ACYP2: variants seen among roughly 807,000 people sequenced by gnomAD.
The protein encoded by ACYP2 is acylphosphatase-2.
ACYP2 carries 12 observed loss-of-function variants against 11.2 expected under a neutral mutation model. The ratio of observed to expected loss-of-function variants is 1.08; its 90% confidence interval spans 0.69 to 1.74. The LOEUF (loss-of-function observed/expected upper bound fraction) is 1.74, where lower values mean the gene tolerates loss of function less well. Ranked by LOEUF, ACYP2 falls within the 40% of genes most tolerant of loss-of-function variation. The probability of loss-of-function intolerance (pLI) is 0.00; values close to 1 mark genes in which losing one functional copy is unlikely to be tolerated. For missense variants in ACYP2, 134 were observed against 101.9 expected (o/e 1.31, Z -1.35); for synonymous variants, 43 against 32.2 (o/e 1.33, Z -1.13).
chr2:54,019,893 T>C (rs1483142500), intron 2 of ACYP2, among the ~76,000 whole-genome samples: 1 of 152,078 alleles, frequency 6.6e-6, no homozygotes, highest in Non-Finnish European at 1.5e-5. Context: ...GTGCTGGGAT[T>C]ACAAGCATGA....
chr2:54,188,165 C>G (rs1295166460), intron 6 of ACYP2, among the ~76,000 whole-genome samples: 1 of 152,084 alleles, frequency 6.6e-6, no homozygotes, highest in Non-Finnish European at 1.5e-5. Context: ...AGGTGTCATC[C>G]TGGGGGAAAA....
At position 54,090,144 on chromosome 2, in the gene ACYP2, C is replaced by CA. The variant is rs76380235; in HGVS notation, c.277+32798dup. 2.0e-3 allele frequency among the ~76,000 whole-genome samples: 275 copies of CA among 138,892 alleles called. 2 individuals carry two copies. The highest frequency in any genetic ancestry group is 5.6e-3 in the African/African-American group (206 of 36,940). The allele number at this position is 138,892 out of a possible 152,430, so 91.1% of individuals were successfully genotyped here. A position where few individuals can be genotyped will look rare whatever the true frequency, so the allele number is the denominator to read the frequency against. ...TGAGCGACAGAATGATACTCCGTCTCAAAAAAAAAAAAAAGTTTGCCCATG... is the reference window on the plus strand; with the variant it reads ...TGAGCGACAGAATGATACTCCGTCTCAAAAAAAAAAAAAAAGTTTGCCCATG... On this transcript the variant is annotated intron_variant, in intron 4 of 6. Transcript: ENST00000607452.
intron 2 of ACYP2, among the ~76,000 whole-genome samples, chr2:53,994,329 CAAAAAAAAAA>C (rs374302355): frequency 1.4e-3 from 61 of 42,870 alleles, no homozygotes; most frequent in Middle Eastern, 0.028. Context: ...GACTCCGTCT[CAAAAAAAAAA>C]AAAAAAAAAA....
chr2:54,225,091 G>A lies in ACYP2; in HGVS notation c.405-79597G>A, dbSNP rs184939055. Among the ~76,000 whole-genome samples the A allele has an allele frequency of 3.6e-3, 553 of 152,334 alleles. 6 individuals are homozygous for A. Among genetic ancestry groups the A allele is most frequent in the African/African-American group, 0.012 (519 of 41,576 alleles). On this transcript the variant is annotated intron_variant, in intron 6 of 6. Transcript: ENST00000607452. The stretch of plus-strand genomic sequence containing the variant: ...CTTTAACTGGCCACAGTGATTGCCA[G>A]TTCCAACCATTTCAGGTAATATTGT...
chr2:54,169,653 CAG>C (rs1437636747), intron 6 of ACYP2, among the ~76,000 whole-genome samples: 2 of 152,152 alleles, frequency 1.3e-5, no homozygotes, highest in Admixed American at 6.5e-5. Flanking sequence ...TTTTGACAAA[CAG>C]TGCACAGGAA....
intron 6 of ACYP2, among the ~76,000 whole-genome samples, chr2:54,198,718 T>TA (rs1171179529): frequency 6.6e-6 from 1 of 152,186 alleles, no homozygotes; most frequent in Admixed American, 6.5e-5. Context: ...AAAAGACTTA[T>TA]AAAAAATGAA....
chr2:53,986,241 C>G (rs1672029775), intron 2 of ACYP2, among the ~76,000 whole-genome samples: 1 of 152,174 alleles, frequency 6.6e-6, no homozygotes, highest in South Asian at 2.1e-4. Flanking sequence ...TCTCTTCTTC[C>G]CCTTCCACCA....
At position 54,304,914 on chromosome 2, in the gene ACYP2, A is replaced by C; in HGVS notation, c.*112A>C. The stretch of plus-strand genomic sequence containing the variant: ...GTGAAAAGGAACTTTCTGTTCTGAA[A>C]GCTAAGCGACTGTACGTGCTACTAA... On this transcript the variant is annotated 3_prime_UTR_variant, in exon 7 of 7. Transcript: ENST00000607452. 1.9e-6 allele frequency: 1 copy of C among 516,844 alleles called. No individual in the cohort carries two copies. The allele number at this position is 516,844 out of a possible 1,614,324, so 32.0% of individuals were successfully genotyped here.
intron 2 of ACYP2, among the ~76,000 whole-genome samples, chr2:54,018,315 T>C (rs1362464590): frequency 6.6e-6 from 1 of 152,218 alleles, no homozygotes; most frequent in Non-Finnish European, 1.5e-5. Flanking sequence ...TACACTGATG[T>C]TGCTGATTCA....
chr2:54,102,036 C>T (rs1186231602), intron 4 of ACYP2, among the ~76,000 whole-genome samples: 1 of 152,124 alleles, frequency 6.6e-6, no homozygotes, highest in Non-Finnish European at 1.5e-5. Flanking sequence ...TAGTATTATA[C>T]AGAATAGTTC....
chr2:54,076,308 C>T (rs923740648), intron 4 of ACYP2, among the ~76,000 whole-genome samples: 7 of 152,060 alleles, frequency 4.6e-5, no homozygotes, highest in African/African-American at 7.3e-5. Context: ...AAAATTTATA[C>T]GGAGAATATA....
chr2:54,200,478 C>T (rs1684708336), intron 6 of ACYP2, among the ~76,000 whole-genome samples: 1 of 152,098 alleles, frequency 6.6e-6, no homozygotes, highest in African/African-American at 2.4e-5. Context: ...CATGGATTTG[C>T]CTATTATGGA....
At chr2:54,227,940 A>C (rs922017291) in intron 6 of ACYP2, among the ~76,000 whole-genome samples, 3 of 152,238 alleles carry the variant, frequency 2.0e-5, no homozygotes, top group Non-Finnish European at 2.9e-5. Flanking sequence ...ATAACTTTCA[A>C]ATCATCTTCT....
chr2:54,215,038 T>C (rs1685499900), intron 6 of ACYP2, among the ~76,000 whole-genome samples: 1 of 152,210 alleles, frequency 6.6e-6, no homozygotes, highest in East Asian at 1.9e-4. Flanking sequence ...CAATTTTGGT[T>C]TGGCTCTCAG....
intron 6 of ACYP2, among the ~76,000 whole-genome samples, chr2:54,201,495 T>C (rs928570920): frequency 6.6e-6 from 1 of 152,152 alleles, no homozygotes; most frequent in Non-Finnish European, 1.5e-5. Flanking sequence ...GCAAATATTT[T>C]CTCCCATTCT....
chr2:54,061,134 G>A (rs182265000), intron 4 of ACYP2, among the ~76,000 whole-genome samples: 2 of 152,276 alleles, frequency 1.3e-5, no homozygotes, highest in Non-Finnish European at 2.9e-5. Context: ...GGGATTACAG[G>A]CACAAGCCAC....
chr2:54,238,152 C>G (rs1169538770), intron 6 of ACYP2, among the ~76,000 whole-genome samples: 2 of 152,142 alleles, frequency 1.3e-5, no homozygotes, highest in Non-Finnish European at 2.9e-5. Flanking sequence ...TCATCCAGAC[C>G]TCTCCTCTCC....
In ACYP2 at chr2:54,221,677, C is replaced by A. The variant is rs146651816; in HGVS notation, c.404+82929C>A. On this transcript the variant is annotated intron_variant, in intron 6 of 6. Coordinates refer to ENST00000607452, the MANE Select transcript of ACYP2 (RefSeq NM_001320586.2). ...GTGGGATTACAGGTGTGTGCCACCA[C>A]ACCTGGCTAATTTTTGTATTTTTAG... Among the ~76,000 whole-genome samples, 16 of 152,062 alleles carry A rather than the reference C, an allele frequency of 1.1e-4. No homozygotes were observed. The East Asian group carries it at 2.9e-3, about 28-fold the overall frequency.
intron 2 of ACYP2, among the ~76,000 whole-genome samples, chr2:54,025,880 T>C (rs1412311599): frequency 6.6e-6 from 1 of 151,908 alleles, no homozygotes; most frequent in African/African-American, 2.4e-5. Flanking sequence ...AATTTGAGGC[T>C]GAGGTCAGGA....
Sources: allele counts gnomAD v4.1 joint callset (sites outside exome capture counted in the v4.1 genomes callset), GRCh38; gene constraint gnomAD v4.1.1; transcripts MANE v1.5; gene names NCBI Gene and HGNC (gene_info 2026-07-23, HGNC 2026-07-21).